The following CSMD1 variants were observed in gnomAD, a reference collection of about 807,000 sequenced individuals.
CSMD1 encodes CUB and Sushi multiple domains 1.
A neutral mutation model predicts 417.5 loss-of-function variants in CSMD1; 213 were observed. The observed-to-expected ratio is 0.51, with a 90% confidence interval of 0.46 to 0.57. The LOEUF (loss-of-function observed/expected upper bound fraction) is 0.57, where lower values mean the gene tolerates loss of function less well. Among genes scored for constraint, CSMD1 ranks in the 20% least tolerant of loss-of-function variants. The pLI is 0.00. For synonymous variants in CSMD1, 2,862 were observed against 1,736.8 expected (o/e 1.65, Z -16.11); for missense variants, 6,923 against 4,529.7 (o/e 1.53, Z -15.17).
intron 3 of CSMD1, among the ~76,000 whole-genome samples, chr8:4,080,978 C>T (rs1328566816): frequency 6.6e-6 from 1 of 152,114 alleles, no homozygotes; most frequent in African/African-American, 2.4e-5. Flanking sequence ...TGCCCTTATA[C>T]AAGAGGCTTC....
chr8:3,067,109 T>C (rs531291655), intron 49 of CSMD1, among the ~76,000 whole-genome samples: 1 of 151,940 alleles, frequency 6.6e-6, no homozygotes, highest in Non-Finnish European at 1.5e-5. Context: ...GTCAATACAA[T>C]CAGTCTACGG....
At chr8:4,047,502 G>C (rs562398620) in intron 3 of CSMD1, among the ~76,000 whole-genome samples, 2 of 150,828 alleles carry the variant, frequency 1.3e-5, no homozygotes, top group African/African-American at 4.9e-5. Flanking sequence ...ATGCAGGGAA[G>C]GCAACATTGT....
intron 10 of CSMD1, among the ~76,000 whole-genome samples, chr8:3,558,643 CCG>C (rs1799323383): frequency 6.7e-6 from 1 of 149,922 alleles, no homozygotes; most frequent in Non-Finnish European, 1.5e-5. Context: ...CAATAGTACC[CCG>C]TGTCCACTCC....
At chr8:3,599,836 G>T (rs753342191) in intron 8 of CSMD1, among the ~76,000 whole-genome samples, 4 of 152,204 alleles carry the variant, frequency 2.6e-5, no homozygotes, top group Non-Finnish European at 4.4e-5. Context: ...GGGAGCAACA[G>T]ATCTGACAAA....
At chr8:3,303,927 CTATTTTGGGGTATTGCGCCCCATTATAA>C (rs984993483) in intron 25 of CSMD1, among the ~76,000 whole-genome samples, 2 of 74,296 alleles carry the variant, frequency 2.7e-5, no homozygotes, top group Non-Finnish European at 6.7e-5. Context: ...ATAATAATAA[CTATTTTGGGGTATTGCGCCCCATTATAA>C]TAACTATTTT....
intron 2 of CSMD1, among the ~76,000 whole-genome samples, chr8:4,570,728 C>T (rs1187983639): frequency 6.6e-6 from 1 of 152,130 alleles, no homozygotes; most frequent in Admixed American, 6.5e-5. Context: ...GTACAAGCTC[C>T]TCTTTGCACC....
chr8:3,955,329 A>C (rs1192607207), intron 5 of CSMD1, among the ~76,000 whole-genome samples: 1 of 152,174 alleles, frequency 6.6e-6, no homozygotes, highest in African/African-American at 2.4e-5. Flanking sequence ...GTGAAACTCC[A>C]TGTTACGCCA....
intron 2 of CSMD1, among the ~76,000 whole-genome samples, chr8:4,573,847 T>C (rs1754976312): frequency 6.6e-6 from 1 of 152,152 alleles, no homozygotes; most frequent in African/African-American, 2.4e-5. Context: ...AGAGAAGCAG[T>C]CTGGCTACAG....
At chr8:3,518,176 G>T (rs1288568490) in intron 10 of CSMD1, among the ~76,000 whole-genome samples, 1 of 152,082 alleles carries the variant, frequency 6.6e-6, no homozygotes, top group African/African-American at 2.4e-5. Flanking sequence ...ATGTTGTATG[G>T]TTATTAGCGA....
intron 5 of CSMD1, among the ~76,000 whole-genome samples, chr8:3,957,480 C>T (rs1021857833): frequency 1.3e-5 from 2 of 151,946 alleles, no homozygotes; most frequent in African/African-American, 4.8e-5. Flanking sequence ...GAGTATTGGA[C>T]CATGTGGGCA....
intron 2 of CSMD1, among the ~76,000 whole-genome samples, chr8:4,586,295 A>G (rs1799696294): frequency 6.6e-6 from 1 of 152,156 alleles, no homozygotes; most frequent in Non-Finnish European, 1.5e-5. Flanking sequence ...AGCCATTCCC[A>G]ATTTTTCCCC....
chr8:4,128,155 G>C (rs943288608), intron 3 of CSMD1, among the ~76,000 whole-genome samples: 1 of 151,880 alleles, frequency 6.6e-6, no homozygotes, highest in East Asian at 1.9e-4. Context: ...CTGGAGAAAA[G>C]TTTGCACTCT....
chr8:4,446,538 C>T (rs191181895), intron 2 of CSMD1, among the ~76,000 whole-genome samples: 279 of 152,202 alleles, frequency 1.8e-3, no homozygotes, highest in African/African-American at 6.4e-3. Flanking sequence ...CAGAATGAGA[C>T]CCCGGTTCTG....
At chr8:3,909,475 C>T (rs529720966) in intron 5 of CSMD1, among the ~76,000 whole-genome samples, 19 of 152,154 alleles carry the variant, frequency 1.2e-4, no homozygotes, top group East Asian at 3.9e-4. Context: ...GACAGCAGTG[C>T]GGAAATATCC....
intron 12 of CSMD1, among the ~76,000 whole-genome samples, chr8:3,430,004 A>G (rs997824302): frequency 6.6e-6 from 1 of 152,200 alleles, no homozygotes; most frequent in African/African-American, 2.4e-5. Flanking sequence ...ATGGGTATAC[A>G]TGTACAAATT....
At chr8:3,925,894 T>C (rs1809625578) in intron 5 of CSMD1, among the ~76,000 whole-genome samples, 1 of 152,048 alleles carries the variant, frequency 6.6e-6, no homozygotes, top group African/African-American at 2.4e-5. Context: ...ATTTTTTAAA[T>C]ATATACTATC....
At chr8:3,603,657 G>A (rs529907001) in intron 8 of CSMD1, among the ~76,000 whole-genome samples, 14 of 152,246 alleles carry the variant, frequency 9.2e-5, no homozygotes, top group Non-Finnish European at 1.6e-4. Context: ...TTTCCAACAA[G>A]AAACCAAACT....
At chr8:3,452,763 T>C (rs914927062) in intron 12 of CSMD1, among the ~76,000 whole-genome samples, 5 of 152,334 alleles carry the variant, frequency 3.3e-5, no homozygotes, top group East Asian at 1.9e-4. Flanking sequence ...ATCAGGGATA[T>C]TGGTCTAAAA....
chr8:4,050,728 A>G (rs1798381682), intron 3 of CSMD1, among the ~76,000 whole-genome samples: 1 of 152,140 alleles, frequency 6.6e-6, no homozygotes, highest in Admixed American at 6.5e-5. Flanking sequence ...TAGTGAGTAA[A>G]TGAATTAAGT....
Sources: allele counts gnomAD v4.1 joint callset (sites outside exome capture counted in the v4.1 genomes callset), GRCh38; gene constraint gnomAD v4.1.1; transcripts MANE v1.5; gene names NCBI Gene and HGNC (gene_info 2026-07-23, HGNC 2026-07-21).